Variants in RAP1A observed in about 807,000 individuals in gnomAD.
RAP1A encodes ras-related protein Rap-1A.
A neutral mutation model predicts 26.4 loss-of-function variants in RAP1A; 6 were observed. The ratio of observed to expected loss-of-function variants is 0.23; its 90% CI spans 0.12 to 0.45. The LOEUF is 0.45. RAP1A is among the 20% of genes least tolerant of loss of function. The pLI, the probability that RAP1A is intolerant of heterozygous loss-of-function variation, is 0.99. For synonymous variants in RAP1A, 73 were observed against 79.4 expected (o/e 0.92, Z 0.43); for missense variants, 121 against 217.2 (o/e 0.56, Z 2.78).
Position 111,587,174 on chromosome 1 carries a change from CAAT to C in RAP1A, c.-28+44666_-28+44668del, listed in dbSNP as rs1224743873. ...CCTTCTGCATCCAGGTGGCTACAAG[CAAT>C]TATATAGATTCATTTGCTCCAACTT... On this transcript the variant is annotated intron_variant, in intron 1 of 7. Transcript: ENST00000356415. Among the ~76,000 whole-genome samples, 13 of 152,198 alleles carry C rather than the reference CAAT, an allele frequency of 8.5e-5. No individual in the cohort carries two copies. In the East Asian group the frequency reaches 2.5e-3, roughly 29 times the overall value.
chr1:111,566,773 GA>G (rs1657926331), intron 1 of RAP1A, among the ~76,000 whole-genome samples: 1 of 151,926 alleles, frequency 6.6e-6, no homozygotes, highest in African/African-American at 2.4e-5. Flanking sequence ...GGCAAACAGG[GA>G]ACATAAATTA....
intron 1 of RAP1A, among the ~76,000 whole-genome samples, chr1:111,679,664 G>A (rs1351106108): frequency 1.3e-5 from 2 of 152,184 alleles, no homozygotes; most frequent in Non-Finnish European, 2.9e-5. Context: ...TCACTGGCTG[G>A]AAATTCTCTG....
intron 1 of RAP1A, among the ~76,000 whole-genome samples, chr1:111,549,309 C>CTTTTTTTTT (rs767231547): frequency 2.4e-5 from 3 of 125,612 alleles, no homozygotes; most frequent in Admixed American, 7.9e-5. Flanking sequence ...CAGTCATGGG[C>CTTTTTTTTT]TTTTTTTTTT....
Position 111,703,388 on chromosome 1 carries a change from C to T in RAP1A, c.236C>T (p.Ala79Val). 1 of 1,600,952 alleles carries T rather than the reference C, an allele frequency of 6.2e-7. No homozygotes were observed. Among genetic ancestry groups the T allele is most frequent in the Non-Finnish European group, 8.5e-7 (1 of 1,171,366 alleles). ...TATATGAAGAACGGCCAAGGTTTTG[C>T]ACTAGTATATTCTATTACAGCTCAG... ...DLYMKNGQGF[A>V]LVYSITAQST... The change falls in exon 5 of 8, where the codon GCA (alanine) becomes GTA (valine). Residue 79 changes from alanine (A) to valine (V), a missense_variant. Transcript: ENST00000369709.
intron 1 of RAP1A, among the ~76,000 whole-genome samples, chr1:111,660,314 C>A (rs917675548): frequency 6.6e-6 from 1 of 152,180 alleles, no homozygotes; most frequent in Non-Finnish European, 1.5e-5. Context: ...GTTTTCCCCC[C>A]CTCTGGCTTC....
intron 1 of RAP1A, chr1:111,604,531 A>G (rs1658733926): frequency 6.6e-6 from 1 of 152,228 alleles, no homozygotes; most frequent in Admixed American, 6.5e-5. Context: ...CAAAAAAGTC[A>G]TCATTATCAT....
intron 6 of RAP1A, chr1:111,706,594 T>C (rs943168094): frequency 5.5e-5 from 26 of 473,566 alleles, no homozygotes; most frequent in Middle Eastern, 1.1e-3. Flanking sequence ...GGAATAGTAA[T>C]TGGAATCAAG....
At chr1:111,644,115 C>G (rs1346093889) in intron 1 of RAP1A, among the ~76,000 whole-genome samples, 1 of 152,194 alleles carries the variant, frequency 6.6e-6, no homozygotes, top group Non-Finnish European at 1.5e-5. Context: ...GGCAACACTT[C>G]CATCTGTTTG....
chr1:111,608,525 G>T lies in RAP1A; in HGVS notation c.-28+66016G>T, dbSNP rs1407982234. 4 of 167,826 alleles carry T rather than the reference G, an allele frequency of 2.4e-5. No individual in the cohort carries two copies. The South Asian group carries it at 4.4e-4, about 19-fold the overall frequency. 10.4% of individuals were successfully genotyped at this position (167,826 alleles called of 1,614,324 possible). On this transcript the variant is annotated intron_variant, in intron 1 of 7. Coordinates refer to the RAP1A transcript ENST00000356415. ...GCGGCCGGGCAGAGGCTGCAATCTC[G>T]GCACTTAGGGAGGCCAAGGCAGGCG...
chr1:111,565,946 T>A lies in RAP1A; in HGVS notation c.-28+23437T>A, dbSNP rs142868165. ...GTAGAAGAAACCTCAAGGCAGAGGG[T>A]CTACATGTGCCAACGTCCAGATCAC... On this transcript the variant is annotated intron_variant, in intron 1 of 7. Coordinates refer to the RAP1A transcript ENST00000356415. 5.5e-3 allele frequency among the ~76,000 whole-genome samples: 843 copies of A among 151,896 alleles called. 4 individuals carry two copies. The highest frequency in any genetic ancestry group is 0.019 in the African/African-American group (790 of 41,380).
At chr1:111,549,351 T>G (rs1235268958) in intron 1 of RAP1A, among the ~76,000 whole-genome samples, 1 of 149,972 alleles carries the variant, frequency 6.7e-6, no homozygotes, top group East Asian at 2.0e-4. Context: ...TTTTTCCCCC[T>G]TTTAAAACAT....
intron 1 of RAP1A, among the ~76,000 whole-genome samples, chr1:111,639,139 A>T (rs1021860975): frequency 6.6e-6 from 1 of 152,128 alleles, no homozygotes; most frequent in Non-Finnish European, 1.5e-5. Flanking sequence ...GAGATACACT[A>T]TCTTTTTTAC....
chr1:111,650,314 A>T (rs1049738310), intron 1 of RAP1A: 2 of 152,162 alleles, frequency 1.3e-5, no homozygotes. Context: ...GTTTCTATGC[A>T]GAAAGACTTC....
intron 1 of RAP1A, among the ~76,000 whole-genome samples, chr1:111,606,980 A>G (rs1658797241): frequency 6.6e-6 from 1 of 152,050 alleles, no homozygotes; most frequent in Non-Finnish European, 1.5e-5. Flanking sequence ...AATGGCCACA[A>G]GAGTTCATTT....
intron 1 of RAP1A, among the ~76,000 whole-genome samples, chr1:111,664,065 A>G (rs911711127): frequency 2.6e-5 from 4 of 152,260 alleles, no homozygotes; most frequent in Non-Finnish European, 4.4e-5. Flanking sequence ...AGGAACTTTT[A>G]TAGCCTGCTA....
At chr1:111,587,213 T>C (rs1461904665) in intron 1 of RAP1A, among the ~76,000 whole-genome samples, 1 of 152,168 alleles carries the variant, frequency 6.6e-6, no homozygotes. Flanking sequence ...TAGGTGACCC[T>C]CAAGCTGCTG....
chr1:111,674,720 T>G (rs960432842), intron 1 of RAP1A, among the ~76,000 whole-genome samples: 11 of 152,240 alleles, frequency 7.2e-5, no homozygotes, highest in Non-Finnish European at 1.6e-4. Context: ...CTAGGAGTTA[T>G]CACTGACTCT....
At chr1:111,583,816 T>C (rs569449929) in intron 1 of RAP1A, among the ~76,000 whole-genome samples, 13 of 151,906 alleles carry the variant, frequency 8.6e-5, no homozygotes, top group African/African-American at 2.9e-4. Context: ...CTAGGAACGA[T>C]TATATAATAA....
chr1:111,653,600 T>TTGAACCGGGAAGGCGGAGGTTGCAG (rs1553220342), intron 1 of RAP1A, among the ~76,000 whole-genome samples: 6 of 149,140 alleles, frequency 4.0e-5, no homozygotes, highest in Admixed American at 1.4e-4. Context: ...AGGAGAATCC[T>TTGAACCGGGAAGGCGGAGGTTGCAG]TGAACCGGGA....
Sources: allele counts gnomAD v4.1 joint callset (sites outside exome capture counted in the v4.1 genomes callset), GRCh38; gene constraint gnomAD v4.1.1; transcripts MANE v1.5; gene names NCBI Gene and HGNC (gene_info 2026-07-23, HGNC 2026-07-21).